AKAP6: variants seen among roughly 807,000 people sequenced by gnomAD.
The protein encoded by AKAP6 is A-kinase anchor protein 6.
Under a neutral mutation model 188.5 loss-of-function variants are expected in AKAP6, and 58 were observed. The ratio of observed to expected loss-of-function variants is 0.31; its 90% CI spans 0.25 to 0.38. The LOEUF is 0.38. Ranked by LOEUF, AKAP6 falls within the 10% of genes least tolerant of loss-of-function variation. AKAP6 has a pLI of 1.00. For missense variants in AKAP6, 2,710 were observed against 2,740.0 expected (o/e 0.99, Z 0.24); for synonymous variants, 989 against 998.6 (o/e 0.99, Z 0.18).
chr14:32,346,958 C>T (rs534101297), intron 1 of AKAP6, among the ~76,000 whole-genome samples: 20 of 152,146 alleles, frequency 1.3e-4, no homozygotes, highest in Non-Finnish European at 2.5e-4. Flanking sequence ...AAGCCTTAGA[C>T]CAAAATATCA....
chr14:32,438,000 A>G (rs1464372448), intron 2 of AKAP6, among the ~76,000 whole-genome samples: 1 of 152,140 alleles, frequency 6.6e-6, no homozygotes, highest in East Asian at 1.9e-4. Flanking sequence ...TCTGTTGTCT[A>G]GGACAGGGCC....
intron 12 of AKAP6, among the ~76,000 whole-genome samples, chr14:32,806,219 G>C (rs1033341563): frequency 2.6e-5 from 4 of 152,190 alleles, no homozygotes; most frequent in African/African-American, 9.7e-5. Context: ...GAATTTGCAA[G>C]ATAATTTTGA....
chr14:32,726,824 G>T (rs146620720), intron 9 of AKAP6, among the ~76,000 whole-genome samples: 1 of 152,126 alleles, frequency 6.6e-6, no homozygotes, highest in Non-Finnish European at 1.5e-5. Flanking sequence ...AAGAGCTGCG[G>T]GGCTGTCAGA....
chr14:32,663,042 T>G (rs1425855149), intron 7 of AKAP6, among the ~76,000 whole-genome samples: 1 of 152,118 alleles, frequency 6.6e-6, no homozygotes, highest in Non-Finnish European at 1.5e-5. Flanking sequence ...TGTTTTTTTC[T>G]CTTTTCAGTA....
rs116172516 is a variant in AKAP6 at position 32,431,278 on chromosome 14, A to G, written c.-34-2182A>G. On this transcript the variant is annotated intron_variant, in intron 1 of 13. Transcript: ENST00000280979. ...GTCTAGTATTATTATTACTTGTAAA[A>G]CTGAATGCAAGCATGGTTAAAAATA... Among the ~76,000 whole-genome samples the G allele has an allele frequency of 7.9e-3, 1,206 of 152,148 alleles. 22 individuals are homozygous for G. The highest frequency in any genetic ancestry group is 0.027 in the African/African-American group (1,130 of 41,494).
intron 11 of AKAP6, among the ~76,000 whole-genome samples, chr14:32,768,918 C>T (rs1017135545): frequency 2.0e-5 from 3 of 151,704 alleles, no homozygotes; most frequent in Non-Finnish European, 2.9e-5. Context: ...GCGTGGGCAC[C>T]GTACTCTGAG....
chr14:32,786,745 A>G (rs1214902305), intron 12 of AKAP6, among the ~76,000 whole-genome samples: 1 of 152,196 alleles, frequency 6.6e-6, no homozygotes, highest in South Asian at 2.1e-4. Context: ...ACAAGTAGTT[A>G]TCAGTAGCAA....
chr14:32,384,150 A>G (rs1432199833), intron 1 of AKAP6, among the ~76,000 whole-genome samples: 2 of 152,188 alleles, frequency 1.3e-5, no homozygotes, highest in Non-Finnish European at 2.9e-5. Flanking sequence ...GATGGCGCAA[A>G]ATCCCTTAAC....
intron 1 of AKAP6, among the ~76,000 whole-genome samples, chr14:32,415,395 G>C (rs1279046122): frequency 2.4e-5 from 2 of 84,740 alleles, no homozygotes; most frequent in South Asian, 3.1e-4. Flanking sequence ...ATTAACTTGA[G>C]ACTTTAAGTT....
intron 12 of AKAP6, among the ~76,000 whole-genome samples, chr14:32,785,467 TG>T (rs1178107464): frequency 7.9e-5 from 12 of 152,214 alleles, no homozygotes; most frequent in African/African-American, 2.9e-4. Flanking sequence ...GATCATTCAA[TG>T]TTTTTTACTT....
At chr14:32,526,220 A>C (rs1377391684) in intron 2 of AKAP6, among the ~76,000 whole-genome samples, 2 of 151,890 alleles carry the variant, frequency 1.3e-5, no homozygotes, top group African/African-American at 2.4e-5. Flanking sequence ...GTATGCCACC[A>C]GGTCTGGATA....
rs1015073237 is a variant in AKAP6 at position 32,836,618 on chromosome 14, T to G, written c.*6813T>G. ...GCAGCAGATTGGAGTGACGTTACTT[T>G]AAGGGTAACTTTGAAGCCAATCTAA... is the stretch of plus-strand genomic sequence containing the variant. On this transcript the variant is annotated 3_prime_UTR_variant, in exon 14 of 14. Coordinates refer to ENST00000280979, the MANE Select transcript of AKAP6 (RefSeq NM_004274.5). 2 of 152,122 alleles carry G rather than the reference T, an allele frequency of 1.3e-5. No homozygotes were observed. Among genetic ancestry groups the G allele is most frequent in the African/African-American group, 4.8e-5 (2 of 41,420 alleles). 9.4% of individuals were successfully genotyped at this position (152,122 alleles called of 1,614,324 possible). A position where few individuals can be genotyped will look rare whatever the true frequency, so the allele number is the denominator to read the frequency against.
At chr14:32,498,077 C>T (rs1880417865) in intron 2 of AKAP6, among the ~76,000 whole-genome samples, 1 of 152,130 alleles carries the variant, frequency 6.6e-6, no homozygotes, top group Non-Finnish European at 1.5e-5. Context: ...GTAGAATTCA[C>T]TGATAGTTTT....
At chr14:32,788,190 G>A (rs1485733547) in intron 12 of AKAP6, among the ~76,000 whole-genome samples, 3 of 152,188 alleles carry the variant, frequency 2.0e-5, no homozygotes, top group Non-Finnish European at 2.9e-5. Context: ...AAGAAAGCTG[G>A]GAATTTTCTT....
chr14:32,680,672 A>G (rs1889639378), intron 8 of AKAP6, among the ~76,000 whole-genome samples: 1 of 152,232 alleles, frequency 6.6e-6, no homozygotes, highest in African/African-American at 2.4e-5. Flanking sequence ...TGAAAAATGA[A>G]TCAGACTACT....
intron 1 of AKAP6, among the ~76,000 whole-genome samples, chr14:32,411,822 TA>T (rs1461113300): frequency 1.3e-5 from 2 of 151,006 alleles, no homozygotes; most frequent in Non-Finnish European, 2.9e-5. Flanking sequence ...TCTTTAGTGA[TA>T]TTTTTATGGG....
At chr14:32,352,787 C>G (rs936292881) in intron 1 of AKAP6, among the ~76,000 whole-genome samples, 1 of 152,188 alleles carries the variant, frequency 6.6e-6, no homozygotes, top group Admixed American at 6.5e-5. Context: ...GTACCACATT[C>G]ATTATTCATC....
chr14:32,585,380 T>C (rs1023098206), intron 5 of AKAP6, among the ~76,000 whole-genome samples: 1 of 152,196 alleles, frequency 6.6e-6, no homozygotes, highest in Non-Finnish European at 1.5e-5. Context: ...CACCGTGTTA[T>C]TCTGGACACA....
intron 1 of AKAP6, among the ~76,000 whole-genome samples, chr14:32,338,195 G>T (rs776008964): frequency 6.6e-6 from 1 of 151,972 alleles, no homozygotes; most frequent in Non-Finnish European, 1.5e-5. Context: ...AATTCTTTAA[G>T]AAAATAACAT....
Sources: allele counts gnomAD v4.1 joint callset (sites outside exome capture counted in the v4.1 genomes callset), GRCh38; gene constraint gnomAD v4.1.1; transcripts MANE v1.5; gene names NCBI Gene and HGNC (gene_info 2026-07-23, HGNC 2026-07-21).